The following TRHDE variants were observed in gnomAD, a reference collection of about 807,000 sequenced individuals.
The protein encoded by TRHDE is thyrotropin releasing hormone degrading enzyme.
TRHDE carries 72 observed loss-of-function variants against 125.7 expected under a neutral mutation model. The observed-to-expected ratio is 0.57, with a 90% CI of 0.47 to 0.70. TRHDE has a LOEUF of 0.70. Among genes scored for constraint, TRHDE ranks in the 30% least tolerant of loss-of-function variants. TRHDE has a pLI of 0.00. For missense variants in TRHDE, 1,110 were observed against 1,327.1 expected, an observed-to-expected ratio of 0.84 and a Z score of 2.54; for synonymous variants, 509 against 509.1, an observed-to-expected ratio of 1.00 and a Z score of 0.00.
chr12:72,553,866 T>C (rs1351858183), intron 7 of TRHDE, among the ~76,000 whole-genome samples: 3 of 144,292 alleles, frequency 2.1e-5, no homozygotes, highest in Non-Finnish European at 3.1e-5. Flanking sequence ...TTTTTTTTTT[T>C]ATTTGGAGTT....
intron 3 of TRHDE, among the ~76,000 whole-genome samples, chr12:72,391,775 G>A (rs1320117151): frequency 6.6e-6 from 1 of 152,104 alleles, no homozygotes; most frequent in African/African-American, 2.4e-5. Context: ...AACTTGATGA[G>A]CCAAACTTCT....
intron 2 of TRHDE, among the ~76,000 whole-genome samples, chr12:72,135,035 A>C (rs1236269023): frequency 3.3e-5 from 5 of 152,140 alleles, no homozygotes; most frequent in Non-Finnish European, 7.4e-5. Context: ...ACACTATTAA[A>C]AAAAAAAGAA....
intron 2 of TRHDE, among the ~76,000 whole-genome samples, chr12:72,203,056 C>T (rs1877591507): frequency 6.6e-6 from 1 of 152,078 alleles, no homozygotes; most frequent in African/African-American, 2.4e-5. Flanking sequence ...TTTGCTATCT[C>T]TTACACATAG....
At chr12:72,475,165 T>C (rs528188036) in intron 5 of TRHDE, among the ~76,000 whole-genome samples, 6 of 152,284 alleles carry the variant, frequency 3.9e-5, no homozygotes, top group Non-Finnish European at 8.8e-5. Flanking sequence ...TTAAAAAACA[T>C]GTAATTTTAA....
intron 2 of TRHDE, among the ~76,000 whole-genome samples, chr12:72,319,123 T>C (rs1868954285): frequency 6.6e-6 from 1 of 152,126 alleles, no homozygotes; most frequent in South Asian, 2.1e-4. Flanking sequence ...GAAAAGCACA[T>C]GTCAGGGGAG....
intron 3 of TRHDE, among the ~76,000 whole-genome samples, chr12:72,425,886 A>G (rs1407404710): frequency 2.0e-5 from 3 of 152,048 alleles, no homozygotes; most frequent in Admixed American, 6.6e-5. Flanking sequence ...TTTTCACTAA[A>G]GAAACTAAGA....
chr12:72,128,169 A>G (rs1875769683), intron 2 of TRHDE, among the ~76,000 whole-genome samples: 1 of 152,188 alleles, frequency 6.6e-6, no homozygotes, highest in African/African-American at 2.4e-5. Flanking sequence ...CACATTGAGT[A>G]CTCGGAAGGG....
chr12:72,649,766 G>A lies in TRHDE; in HGVS notation c.2676-2556G>A, dbSNP rs1033900789. Among the ~76,000 whole-genome samples, 8 of 151,988 alleles carry A rather than the reference G, an allele frequency of 5.3e-5. No individual in the cohort carries two copies. The East Asian group carries it at 1.5e-3, about 29-fold the overall frequency. On this transcript the variant is annotated intron_variant, in intron 15 of 18. Coordinates refer to ENST00000261180, the MANE Select transcript of TRHDE (RefSeq NM_013381.3). Reference sequence around the variant, plus strand: ...TTTTCTCACCAGATGACATAGAGGTGGCCAACAGCTATGTGAAAAAAAGTC... The same window carrying A: ...TTTTCTCACCAGATGACATAGAGGTAGCCAACAGCTATGTGAAAAAAAGTC...
chr12:72,441,789 A>T (rs1461441222), intron 3 of TRHDE, among the ~76,000 whole-genome samples: 1 of 151,886 alleles, frequency 6.6e-6, no homozygotes, highest in African/African-American at 2.4e-5. Flanking sequence ...AAGATAATAA[A>T]GCAAATGCTA....
chr12:72,525,168 T>C (rs1868310493), intron 6 of TRHDE, among the ~76,000 whole-genome samples: 1 of 152,160 alleles, frequency 6.6e-6, no homozygotes, highest in South Asian at 2.1e-4. Flanking sequence ...TGAACAAAAG[T>C]GTACTCTTAT....
intron 1 of TRHDE, among the ~76,000 whole-genome samples, chr12:72,099,789 G>C (rs1875025290): frequency 6.6e-6 from 1 of 152,130 alleles, no homozygotes; most frequent in Non-Finnish European, 1.5e-5. Context: ...TAGAGTTCAG[G>C]CTCAAGATGG....
chr12:72,371,591 T>A (rs1490187629), intron 2 of TRHDE, among the ~76,000 whole-genome samples: 1 of 151,616 alleles, frequency 6.6e-6, no homozygotes, highest in Non-Finnish European at 1.5e-5. Flanking sequence ...CCTTCCTGTG[T>A]CCATGTGTTC....
At chr12:72,265,651 A>G (rs1197544140) in intron 2 of TRHDE, among the ~76,000 whole-genome samples, 2 of 151,866 alleles carry the variant, frequency 1.3e-5, no homozygotes, top group African/African-American at 4.8e-5. Flanking sequence ...ATCTTTTTCC[A>G]TAGTTTGAAA....
At chr12:72,499,742 A>C in intron 6 of TRHDE, 107 bp downstream of exon 6, 1 of 1,262,672 alleles carries the variant, frequency 7.9e-7, no homozygotes, top group South Asian at 1.6e-5. Context: ...AGATAGACAT[A>C]GACTGTGATT....
chr12:72,636,219 A>C (rs956545490), intron 15 of TRHDE, among the ~76,000 whole-genome samples: 6 of 150,204 alleles, frequency 4.0e-5, no homozygotes, highest in African/African-American at 1.5e-4. Context: ...GGTCCTTCAG[A>C]TCCCTTGTAA....
intron 12 of TRHDE, among the ~76,000 whole-genome samples, chr12:72,604,910 A>G (rs1290087874): frequency 1.3e-5 from 2 of 152,124 alleles, no homozygotes; most frequent in Non-Finnish European, 2.9e-5. Context: ...AATCATCATT[A>G]AGGAGTTAGA....
At position 72,399,658 on chromosome 12, in the gene TRHDE, T is replaced by C. The variant is rs11179187; in HGVS notation, c.1315+21537T>C. ...GTTTAAATTAAACCCAGTTTGTAAT[T>C]ATTGAGACATATAAGCTCAAAAATA... is the stretch of plus-strand genomic sequence containing the variant. On this transcript the variant is annotated intron_variant, in intron 3 of 18. Transcript: ENST00000261180. Among the ~76,000 whole-genome samples the C allele has an allele frequency of 1.0e-3, 158 of 152,290 alleles. 1 individual carries two copies. The East Asian group carries it at 0.027, about 26-fold the overall frequency.
chr12:72,116,903 G>A (rs896943458), intron 2 of TRHDE, among the ~76,000 whole-genome samples: 1 of 151,994 alleles, frequency 6.6e-6, no homozygotes, highest in Admixed American at 6.6e-5. Context: ...TTTGAGAAAT[G>A]TCTGTTTGGA....
intron 5 of TRHDE, among the ~76,000 whole-genome samples, chr12:72,478,343 G>A (rs1397242964): frequency 2.0e-5 from 3 of 152,082 alleles, no homozygotes; most frequent in Non-Finnish European, 4.4e-5. Context: ...TGGAATCCCA[G>A]TCTTTGAAAT....
Sources: gnomAD v4.1 joint callset for allele counts (sites outside exome capture counted in the v4.1 genomes callset) on GRCh38, gnomAD v4.1.1 for gene constraint, MANE v1.5 for transcripts, NCBI Gene and HGNC (gene_info 2026-07-23, HGNC 2026-07-21) for gene names.